The following ACTR3B variants were observed in gnomAD, a reference collection of about 807,000 sequenced individuals.
The protein encoded by ACTR3B is actin-related protein 3B.
ACTR3B carries 8 observed loss-of-function variants against 59.0 expected under a neutral mutation model. That is an observed-to-expected ratio of 0.14 (90% CI 0.08 to 0.24). ACTR3B has a LOEUF of 0.24. Ranked by LOEUF, ACTR3B falls within the 10% of genes least tolerant of loss-of-function variation. ACTR3B has a pLI of 1.00. For missense variants in ACTR3B, 245 were observed against 552.3 expected (o/e 0.44, Z 5.58); for synonymous variants, 148 against 197.9 (o/e 0.75, Z 2.12).
At chr7:152,808,113 A>G (rs1191614792) in intron 4 of ACTR3B, among the ~76,000 whole-genome samples, 642 of 151,348 alleles carry the variant, frequency 4.2e-3, no homozygotes, top group African/African-American at 0.015. Flanking sequence ...CCCTCATATA[A>G]ATGGAATCAT....
chr7:152,828,943 G>T lies in ACTR3B; in HGVS notation c.951+3821G>T, dbSNP rs958956186. On this transcript the variant is annotated intron_variant, in intron 9 of 11. Coordinates refer to ENST00000256001, the MANE Select transcript of ACTR3B (RefSeq NM_020445.6). ...GAGGTGCTCGTCTGGGCCAGTGGGG[G>T]TTTTTTCTCCTAGCTTTATTGAAAT... is the stretch of plus-strand genomic sequence containing the variant. Among the ~76,000 whole-genome samples the T allele has an allele frequency of 1.2e-4, 18 of 151,770 alleles. 1 individual carries two copies. The highest frequency in any genetic ancestry group is 5.2e-4 in the Admixed American group (8 of 15,252).
intron 1 of ACTR3B, among the ~76,000 whole-genome samples, chr7:152,762,402 C>G (rs2098092372): frequency 3.3e-5 from 5 of 152,026 alleles, no homozygotes. Context: ...TGGAAGAGAA[C>G]AAAAAACTAC....
At chr7:152,837,645 A>G (rs892462450) in intron 9 of ACTR3B, among the ~76,000 whole-genome samples, 3 of 152,218 alleles carry the variant, frequency 2.0e-5, no homozygotes, top group African/African-American at 7.2e-5. Flanking sequence ...TCTTCCATCA[A>G]GACTCCTGCT....
chr7:152,847,897 C>T (rs1057208271), intron 9 of ACTR3B, among the ~76,000 whole-genome samples: 76 of 152,258 alleles, frequency 5.0e-4, no homozygotes, highest in African/African-American at 1.7e-3. Context: ...GATAATGATG[C>T]GCGTTTCTTC....
chr7:152,823,202 T>C (rs1320125687), intron 7 of ACTR3B, 140 bp from the exon 8 acceptor site: 1 of 1,151,058 alleles, frequency 8.7e-7, no homozygotes, highest in African/African-American at 1.5e-5. Context: ...TGAGGCTTGA[T>C]GCATATCCAC....
chr7:152,786,882 T>G (rs147418472), intron 2 of ACTR3B, among the ~76,000 whole-genome samples: 58 of 152,350 alleles, frequency 3.8e-4, no homozygotes, highest in African/African-American at 1.4e-3. Flanking sequence ...ACCCTCAATA[T>G]TATGTTTTTA....
At chr7:152,815,061 G>A (rs532463225) in intron 5 of ACTR3B, among the ~76,000 whole-genome samples, 5 of 151,368 alleles carry the variant, frequency 3.3e-5, no homozygotes, top group African/African-American at 7.3e-5. Context: ...TCATGAGCTC[G>A]CAGAACTTGT....
intron 6 of ACTR3B, among the ~76,000 whole-genome samples, chr7:152,817,939 C>T (rs1257918341): frequency 6.6e-6 from 1 of 152,174 alleles, no homozygotes; most frequent in African/African-American, 2.4e-5. Flanking sequence ...AAAAGCCAGC[C>T]TCCCGCCCCC....
intron 10 of ACTR3B, among the ~76,000 whole-genome samples, chr7:152,852,822 C>G (rs1798925289): frequency 6.6e-6 from 1 of 151,986 alleles, no homozygotes; most frequent in South Asian, 2.1e-4. Context: ...GACAGAGTCT[C>G]TCTCTGTCGC....
chr7:152,790,268 T>C (rs1412843912), intron 2 of ACTR3B, among the ~76,000 whole-genome samples: 1 of 152,266 alleles, frequency 6.6e-6, no homozygotes, highest in Non-Finnish European at 1.5e-5. Flanking sequence ...GTTGAAATTA[T>C]AGGTGTGAGC....
chr7:152,824,223 G>A lies in ACTR3B; in HGVS notation c.858+708G>A, dbSNP rs561611224. On this transcript the variant is annotated intron_variant, in intron 8 of 11. Coordinates refer to ENST00000256001, the MANE Select transcript of ACTR3B (RefSeq NM_020445.6). The surrounding 1 kb of genome is among the most constrained non-coding windows in gnomAD (Gnocchi z 4.2). ...TTTTAGATGTGTATATGACTATTTTGTACAGAGAAACAGCATAGAATGTGT... is the reference window on the plus strand; with the variant it reads ...TTTTAGATGTGTATATGACTATTTTATACAGAGAAACAGCATAGAATGTGT... 1.9e-4 allele frequency among the ~76,000 whole-genome samples: 29 copies of A among 152,150 alleles called. No homozygotes were observed. Among genetic ancestry groups the A allele is most frequent in the Admixed American group, 1.0e-3 (16 of 15,272 alleles).
At chr7:152,771,138 A>G (rs1463491995) in intron 1 of ACTR3B, among the ~76,000 whole-genome samples, 1 of 151,462 alleles carries the variant, frequency 6.6e-6, no homozygotes, top group East Asian at 1.9e-4. Context: ...TAATTTTTGT[A>G]TTTTTAGTAG....
At chr7:152,777,792 A>G (rs2098139875) in intron 1 of ACTR3B, among the ~76,000 whole-genome samples, 1 of 152,070 alleles carries the variant, frequency 6.6e-6, no homozygotes, top group Non-Finnish European at 1.5e-5. Context: ...TTTTACTAAA[A>G]ATACAAAAAT....
chr7:152,772,038 C>G (rs1478126953), intron 1 of ACTR3B, among the ~76,000 whole-genome samples: 2 of 152,142 alleles, frequency 1.3e-5, no homozygotes, highest in African/African-American at 4.8e-5. Context: ...GCACTTCAGC[C>G]TGGGCAACGA....
At chr7:152,830,271 G>A (rs374937100) in intron 9 of ACTR3B, among the ~76,000 whole-genome samples, 1 of 152,164 alleles carries the variant, frequency 6.6e-6, no homozygotes, top group East Asian at 1.9e-4. Context: ...CAGAGCCTAC[G>A]GTGGTGGGGA....
intron 6 of ACTR3B, among the ~76,000 whole-genome samples, chr7:152,818,769 C>T (rs1277409399): frequency 3.3e-5 from 5 of 151,918 alleles, no homozygotes; most frequent in Non-Finnish European, 5.9e-5. Flanking sequence ...TTCTAAGACA[C>T]GTGTGCTCAC....
chr7:152,799,953 T>A, intron 2 of ACTR3B, among the ~76,000 whole-genome samples: 1 of 152,364 alleles, frequency 6.6e-6, no homozygotes. Flanking sequence ...CATTAATATT[T>A]GGAATTTTTA....
intron 9 of ACTR3B, among the ~76,000 whole-genome samples, chr7:152,850,505 C>A (rs1174626881): frequency 2.0e-5 from 3 of 152,402 alleles, no homozygotes; most frequent in Middle Eastern, 6.8e-3. Context: ...ATCACTGTGG[C>A]TTCCCCAAAT....
intron 5 of ACTR3B, among the ~76,000 whole-genome samples, chr7:152,815,671 C>T: frequency 6.6e-6 from 1 of 152,148 alleles, no homozygotes. Context: ...CTCAAGCCTC[C>T]CCGCCCCGAC....
Sources: allele counts gnomAD v4.1 joint callset (sites outside exome capture counted in the v4.1 genomes callset), GRCh38; gene constraint gnomAD v4.1.1; non-coding constraint Gnocchi (gnomAD v3.1); transcripts MANE v1.5; gene names NCBI Gene and HGNC (gene_info 2026-07-23, HGNC 2026-07-21).